The following RNF17 variants were observed in gnomAD, a reference collection of about 807,000 sequenced individuals.
The protein encoded by RNF17 is ring finger protein 17.
Under a neutral mutation model 200.5 loss-of-function variants are expected in RNF17, and 31 were observed. That is an observed-to-expected ratio of 0.15 (90% CI 0.12 to 0.21). RNF17 has a LOEUF of 0.21. RNF17 is among the 10% of genes least tolerant of loss of function. The probability of loss-of-function intolerance (pLI) is 1.00; values close to 1 mark genes in which losing one functional copy is unlikely to be tolerated. For missense variants in RNF17, 1,628 were observed against 1,905.1 expected (o/e 0.85, Z 2.71); for synonymous variants, 606 against 637.8 (o/e 0.95, Z 0.75).
chr13:24,831,717 C>A, intron 17 of RNF17, 141 bp from the exon 18 acceptor site: 1 of 735,478 alleles, frequency 1.4e-6, no homozygotes, highest in South Asian at 1.9e-5. Flanking sequence ...TTACAGACAC[C>A]TTCACACATT....
chr13:24,764,171 A>T lies in RNF17; in HGVS notation c.-33A>T. On this transcript the variant is annotated 5_prime_UTR_variant, in exon 1 of 36. Coordinates refer to ENST00000255324, the MANE Select transcript of RNF17 (RefSeq NM_031277.3). ...TGCCGCGAGGGCCGCCGGGACTCGC[A>T]CTCGGCGGTTGTTCCAGAAGAAAGA... The T allele has an allele frequency of 6.4e-7, 1 of 1,554,530 alleles. No individual in the cohort carries two copies. The highest frequency in any genetic ancestry group is 8.8e-7 in the Non-Finnish European group (1 of 1,137,930).
At chr13:24,817,206 T>C (rs1420641945) in intron 15 of RNF17, among the ~76,000 whole-genome samples, 1 of 152,164 alleles carries the variant, frequency 6.6e-6, no homozygotes, top group Non-Finnish European at 1.5e-5. Flanking sequence ...CTTCTTTAAA[T>C]GTTTGGTAGA....
chr13:24,754,187 A>G, the RNF17 span, among the ~76,000 whole-genome samples: 1 of 151,924 alleles, frequency 6.6e-6, no homozygotes, highest in Non-Finnish European at 1.5e-5. Flanking sequence ...ATAAAATAAA[A>G]TAAATAGAAA....
At chr13:24,832,539 C>G (rs1381005645) in intron 18 of RNF17, among the ~76,000 whole-genome samples, 1 of 152,126 alleles carries the variant, frequency 6.6e-6, no homozygotes, top group African/African-American at 2.4e-5. Context: ...TGGCATGAGG[C>G]TGTATATAGT....
chr13:24,866,271 C>T, intron 30 of RNF17, 68 bp downstream of exon 30: 2 of 806,124 alleles, frequency 2.5e-6, no homozygotes, highest in Non-Finnish European at 4.2e-6. Flanking sequence ...TGATACAGGA[C>T]AGAAAGCTCT....
rs968198557 is a variant in RNF17, at chr13:24,799,691, T to C, written c.1589+107T>C. On this transcript the variant is annotated intron_variant, in intron 12 of 35. Transcript: ENST00000255324. ...GAGGTAGAGAGGAGTAATTTGTCAT[T>C]CTTAACTTCCAAGACATACGTTTTA... The C allele has an allele frequency of 1.2e-5, 8 of 676,102 alleles. No homozygotes were observed. In the African/African-American group the frequency reaches 1.5e-4, roughly 12 times the overall value. 41.9% of individuals were successfully genotyped at this position (676,102 alleles called of 1,614,324 possible). A position where few individuals can be genotyped will look rare whatever the true frequency, so the allele number is the denominator to read the frequency against.
intron 4 of RNF17, 118 bp from the exon 5 acceptor site, chr13:24,779,549 G>T (rs1882065926): frequency 4.6e-6 from 3 of 650,490 alleles, no homozygotes; most frequent in Non-Finnish European, 7.9e-6. Context: ...TCTGTAGTGA[G>T]TCTATGTTGC....
At chr13:24,888,318 G>A in the RNF17 span, among the ~76,000 whole-genome samples, 1 of 152,038 alleles carries the variant, frequency 6.6e-6, no homozygotes, top group Non-Finnish European at 1.5e-5. Flanking sequence ...AGCAGTGCTT[G>A]TAACTGACAA....
chr13:24,774,345 G>A (rs987802336), intron 2 of RNF17, among the ~76,000 whole-genome samples: 1 of 152,136 alleles, frequency 6.6e-6, no homozygotes, highest in African/African-American at 2.4e-5. Flanking sequence ...TAGTAGCTGG[G>A]ATTACAGGCG....
the RNF17 span, among the ~76,000 whole-genome samples, chr13:24,753,673 G>A: frequency 6.6e-6 from 1 of 152,226 alleles, no homozygotes; most frequent in African/African-American, 2.4e-5. Context: ...TGTGGATTGT[G>A]TTGTACATGG....
chr13:24,816,352 C>T (rs963553565), intron 15 of RNF17, among the ~76,000 whole-genome samples: 2 of 152,130 alleles, frequency 1.3e-5, no homozygotes, highest in Admixed American at 1.3e-4. Context: ...CTGAGTTATA[C>T]CACCTCATCT....
the RNF17 span, among the ~76,000 whole-genome samples, chr13:24,749,307 C>CTTTCTTTCTTTCTTT: frequency 5.3e-4 from 57 of 108,028 alleles, 1 homozygote; most frequent in Non-Finnish European, 5.3e-4. Context: ...TTCTTTCTTT[C>CTTTCTTTCTTTCTTT]TTTTTTTTTT....
chr13:24,820,832 T>C (rs1887974412), intron 15 of RNF17, among the ~76,000 whole-genome samples: 1 of 152,180 alleles, frequency 6.6e-6, no homozygotes, highest in Non-Finnish European at 1.5e-5. Context: ...TTCCCAGATT[T>C]TCTCTTTGGC....
Position 24,853,812 on chromosome 13 carries a change from A to G in RNF17, c.3321-43A>G, listed in dbSNP as rs1593439338. 5.6e-6 allele frequency: 8 copies of G among 1,418,472 alleles called. No homozygotes were observed. The East Asian group carries it at 1.6e-4, about 29-fold the overall frequency. The allele number at this position is 1,418,472 out of a possible 1,614,324, so 87.9% of individuals were successfully genotyped here. A position where few individuals can be genotyped will look rare whatever the true frequency, so the allele number is the denominator to read the frequency against. ...TTTATGTTGTTTTACCCAGAATTTT[A>G]TATTTGCTTATGTTTAGATGTGTTC... is the stretch of plus-strand genomic sequence containing the variant. On this transcript the variant is annotated intron_variant, in intron 24 of 35. Coordinates refer to ENST00000255324, the MANE Select transcript of RNF17 (RefSeq NM_031277.3).
rs780728515 is a variant in RNF17 at position 24,833,590 on chromosome 13, T to TGGGTTTCTTTCTTGATTCCTC, written c.2482+1613_2482+1633dup. ...CCATGGACAGTCAATCAAGATTTCT[T>TGGGTTTCTTTCTTGATTCCTC]GGGTTTCTTTCTTGATTCCTCTTCT... On this transcript the variant is annotated intron_variant, in intron 18 of 35. Coordinates refer to ENST00000255324, the MANE Select transcript of RNF17 (RefSeq NM_031277.3). 4.3e-3 allele frequency among the ~76,000 whole-genome samples: 661 copies of TGGGTTTCTTTCTTGATTCCTC among 152,356 alleles called. 4 individuals carry two copies. Among genetic ancestry groups the TGGGTTTCTTTCTTGATTCCTC allele is most frequent in the Non-Finnish European group, 7.1e-3 (482 of 68,028 alleles).
chr13:24,803,658 A>C (rs1238990983), intron 14 of RNF17: 1 of 152,310 alleles, frequency 6.6e-6, no homozygotes, highest in East Asian at 1.9e-4. Context: ...GGTGATTGGG[A>C]ATGGAACCCA....
intron 2 of RNF17, among the ~76,000 whole-genome samples, chr13:24,768,083 T>C (rs1431163129): frequency 6.6e-6 from 1 of 152,166 alleles, no homozygotes; most frequent in Non-Finnish European, 1.5e-5. Flanking sequence ...GGAGATGCCA[T>C]TCTACAACAA....
At chr13:24,807,684 C>T (rs1434867945) in intron 15 of RNF17, among the ~76,000 whole-genome samples, 2 of 151,732 alleles carry the variant, frequency 1.3e-5, no homozygotes, top group Non-Finnish European at 2.9e-5. Context: ...CTTTTGTTGC[C>T]ATTGCTTTTG....
At position 24,825,772 on chromosome 13, in the gene RNF17, G is replaced by A; in HGVS notation, c.2245G>A (p.Gly749Arg). Residue 749 changes from glycine to arginine, a missense_variant and splice_region_variant, in exon 16 of 36, where the codon GGA (glycine) becomes AGA (arginine). Physicochemically the swap from Gly to Arg is moderately radical, Grantham distance 125. Coordinates refer to ENST00000255324, the MANE Select transcript of RNF17 (RefSeq NM_031277.3). ...AATTTGGTACCGAGCAAAAGTTATC[G>A]GTAGGAGAATGCATGCTGTTTCTAC... ...DGIWYRAKVI[G>R]LPGHQEVEVK... is the part of the protein sequence containing the mutation. 1 of 1,611,326 alleles carries A rather than the reference G, an allele frequency of 6.2e-7. No individual in the cohort carries two copies. Among genetic ancestry groups the A allele is most frequent in the Non-Finnish European group, 8.5e-7 (1 of 1,178,590 alleles).
Sources: gnomAD v4.1 joint callset for allele counts (sites outside exome capture counted in the v4.1 genomes callset) on GRCh38, gnomAD v4.1.1 for gene constraint, MANE v1.5 for transcripts, NCBI Gene and HGNC (gene_info 2026-07-23, HGNC 2026-07-21) for gene names.